LIG1: variants seen among roughly 807,000 people sequenced by gnomAD.
LIG1 encodes the protein DNA ligase 1.
LIG1 carries 70 observed loss-of-function variants against 115.7 expected under a neutral mutation model. The ratio of observed to expected loss-of-function variants is 0.60; its 90% CI spans 0.50 to 0.74. The LOEUF (loss-of-function observed/expected upper bound fraction) is 0.74, where lower values mean the gene tolerates loss of function less well. LIG1 is among the 30% of genes least tolerant of loss of function. The probability of loss-of-function intolerance (pLI) is 0.00; values close to 1 mark genes in which losing one functional copy is unlikely to be tolerated. For missense variants in LIG1, 1,115 were observed against 1,225.6 expected, an observed-to-expected ratio of 0.91 and a Z score of 1.35; for synonymous variants, 487 against 495.3, an observed-to-expected ratio of 0.98 and a Z score of 0.22.
At chr19:48,118,035 G>A (rs2032988569) in intron 25 of LIG1, among the ~76,000 whole-genome samples, 1 of 152,238 alleles carries the variant, frequency 6.6e-6, no homozygotes, top group Non-Finnish European at 1.5e-5. Flanking sequence ...AAAGGTGGGA[G>A]TTGGGAGGAA....
chr19:48,133,843 C>T, intron 17 of LIG1, 138 bp downstream of exon 17: 1 of 727,610 alleles, frequency 1.4e-6, no homozygotes, highest in South Asian at 1.5e-5. Flanking sequence ...GGTTTCAGCA[C>T]CAGGGAGGAG....
rs1018847224 is a variant in LIG1 at position 48,115,557 on chromosome 19, G to T, written c.*92C>A. On this transcript the variant is annotated 3_prime_UTR_variant, in exon 28 of 28. Coordinates refer to ENST00000263274, the MANE Select transcript of LIG1 (RefSeq NM_000234.3). ...CCCTGACTCTCAAAATCCACAGCCTGCCACAGCAGATTTGCTAAAAAGCAA... is the reference window on the plus strand; with the variant it reads ...CCCTGACTCTCAAAATCCACAGCCTTCCACAGCAGATTTGCTAAAAAGCAA... The T allele has an allele frequency of 6.4e-6, 6 of 944,786 alleles. No individual in the cohort carries two copies. In the African/African-American group the frequency reaches 8.1e-5, roughly 13 times the overall value. The allele number at this position is 944,786 out of a possible 1,614,324, so 58.5% of individuals were successfully genotyped here. A position where few individuals can be genotyped will look rare whatever the true frequency, so the allele number is the denominator to read the frequency against.
At chr19:48,165,242 G>C (rs1599889642) in intron 2 of LIG1, among the ~76,000 whole-genome samples, 1 of 151,988 alleles carries the variant, frequency 6.6e-6, no homozygotes, top group East Asian at 1.9e-4. Context: ...CTGGGTGACA[G>C]AGCAAGACTC....
chr19:48,158,420 G>C (rs1044293130), intron 4 of LIG1, among the ~76,000 whole-genome samples: 20 of 152,174 alleles, frequency 1.3e-4, no homozygotes, highest in African/African-American at 4.6e-4. Flanking sequence ...TCTGCACTCA[G>C]GAGAGAGAAA....
chr19:48,116,296 A>C, intron 26 of LIG1: 2 of 299,490 alleles, frequency 6.7e-6, no homozygotes, highest in Non-Finnish European at 6.6e-6. Flanking sequence ...ACAAAAAGAA[A>C]TTAGCCAGGT....
intron 26 of LIG1, 37 bp from the exon 27 acceptor site, chr19:48,116,002 C>T: frequency 3.3e-6 from 5 of 1,496,796 alleles, no homozygotes; most frequent in Non-Finnish European, 4.6e-6. Flanking sequence ...CGGTCCAGCC[C>T]CAGCGACCCC....
intron 5 of LIG1, among the ~76,000 whole-genome samples, chr19:48,156,470 C>T (rs117960413): frequency 2.7e-4 from 41 of 152,300 alleles, no homozygotes; most frequent in East Asian, 1.4e-3. Context: ...TATTTCTGTG[C>T]GGTAGGTGCT....
Position 48,115,656 on chromosome 19 carries a change from G to A in LIG1, c.2753C>T (p.Thr918Ile). The change falls in exon 28 of 28, where the codon ACC (threonine) becomes ATC (isoleucine). Residue 918 changes from threonine to isoleucine, a missense_variant. Transcript: ENST00000263274. Reference protein sequence around the residue: ...GEDSGSDPEDTY With the variant: ...GEDSGSDPEDIY ...CCCTAGGAGGGCGAGGGCTTAGTAG[G>A]TATCTTCAGGGTCAGAGCCTGAGTC... 1 of 1,612,718 alleles carries A rather than the reference G, an allele frequency of 6.2e-7. No homozygotes were observed. Among genetic ancestry groups the A allele is most frequent in the Non-Finnish European group, 8.5e-7 (1 of 1,178,698 alleles).
At chr19:48,132,603 A>G (rs1201788009) in intron 18 of LIG1, among the ~76,000 whole-genome samples, 2 of 151,854 alleles carry the variant, frequency 1.3e-5, no homozygotes. Context: ...CATCTTGGCC[A>G]ACATGGTGAA....
intron 7 of LIG1, 104 bp downstream of exon 7, chr19:48,151,128 T>A: frequency 1.5e-6 from 1 of 685,602 alleles, no homozygotes. Flanking sequence ...ATTTAAGCAA[T>A]AAGTTTGAGA....
At chr19:48,132,659 C>T (rs1319497019) in intron 18 of LIG1, among the ~76,000 whole-genome samples, 1 of 151,592 alleles carries the variant, frequency 6.6e-6, no homozygotes. Context: ...GGCACGGTAG[C>T]GGGCGCCTGT....
At chr19:48,149,207 G>GA (rs2035316914) in intron 9 of LIG1, among the ~76,000 whole-genome samples, 2 of 152,238 alleles carry the variant, frequency 1.3e-5, no homozygotes, top group South Asian at 4.1e-4. Flanking sequence ...CTACCTGGGA[G>GA]AATCGCTTGA....
At chr19:48,162,619 G>A (rs1164101613) in intron 2 of LIG1, among the ~76,000 whole-genome samples, 1 of 151,934 alleles carries the variant, frequency 6.6e-6, no homozygotes, top group African/African-American at 2.4e-5. Context: ...ATTTTTAGTA[G>A]AGATGGGGTA....
At chr19:48,169,005 CAAGT>C (rs906748912) in intron 1 of LIG1, among the ~76,000 whole-genome samples, 6 of 152,018 alleles carry the variant, frequency 3.9e-5, no homozygotes, top group African/African-American at 9.7e-5. Flanking sequence ...GGAAAAATAT[CAAGT>C]AAGGATGAAA....
At position 48,117,751 on chromosome 19, in the gene LIG1, C is replaced by T. The variant is rs750315980; in HGVS notation, c.2470G>A (p.Val824Met). ...GGAATCACAGCGCCATCTATCCGCACGTAAGGGCGTGGGCTGGGCAGCACC... is the reference window on the plus strand; with the variant it reads ...GGAATCACAGCGCCATCTATCCGCATGTAAGGGCGTGGGCTGGGCAGCACC... ...ALVLPSPRPYVRIDGAVIPDH... is the reference protein window; with the variant it reads ...ALVLPSPRPYMRIDGAVIPDH... Residue 824 changes from valine to methionine, a missense_variant, in exon 26 of 28, where the codon GTG (valine) becomes ATG (methionine). Transcript: ENST00000263274. The T allele has an allele frequency of 8.1e-6, 13 of 1,613,148 alleles. No individual in the cohort carries two copies. Among genetic ancestry groups the T allele is most frequent in the South Asian group, 4.4e-5 (4 of 90,646 alleles).
chr19:48,127,360 C>G lies in LIG1; in HGVS notation c.1933-12G>C, dbSNP rs2033736861. 6.2e-7 allele frequency: 1 copy of G among 1,611,730 alleles called. No individual in the cohort carries two copies. Among genetic ancestry groups the G allele is most frequent in the East Asian group, 2.2e-5 (1 of 44,880 alleles). On this transcript the variant is annotated splice_polypyrimidine_tract_variant and intron_variant, in intron 20 of 27. Coordinates refer to ENST00000263274, the MANE Select transcript of LIG1 (RefSeq NM_000234.3). ...GACGCATCCACCTCCTGGGTTGGGG[C>G]ACAACGGAGTTCGTGAGTGCAGGAA...
At chr19:48,150,987 C>T (rs969621631) in intron 7 of LIG1, among the ~76,000 whole-genome samples, 2 of 151,988 alleles carry the variant, frequency 1.3e-5, no homozygotes, top group African/African-American at 4.8e-5. Context: ...AGGTGTGAGG[C>T]ACCGTACCCG....
intron 20 of LIG1, 98 bp downstream of exon 20, chr19:48,127,812 C>G: frequency 1.0e-6 from 1 of 986,994 alleles, no homozygotes; most frequent in Non-Finnish European, 1.6e-6. Flanking sequence ...CAGACTGACA[C>G]TCTGCCCTTC....
chr19:48,132,888 G>A (rs928734055), intron 18 of LIG1, 94 bp downstream of exon 18: 35 of 889,042 alleles, frequency 3.9e-5, no homozygotes, highest in Non-Finnish European at 5.9e-5. Flanking sequence ...AGTCTGTGGC[G>A]CAGGCCGGCT....
Sources: gnomAD v4.1 joint callset for allele counts (sites outside exome capture counted in the v4.1 genomes callset) on GRCh38, gnomAD v4.1.1 for gene constraint, MANE v1.5 for transcripts, NCBI Gene and HGNC (gene_info 2026-07-23, HGNC 2026-07-21) for gene names.